The following PARD6G variants were observed in gnomAD, a reference collection of about 807,000 sequenced individuals.
PARD6G encodes partitioning defective 6 homolog gamma.
In PARD6G, 7 loss-of-function variants were observed where a neutral mutation model predicts 10.7. The observed-to-expected ratio is 0.66, with a 90% confidence interval of 0.37 to 1.23. The LOEUF is 1.23. Among genes scored for constraint, PARD6G ranks in the 50% most tolerant of loss-of-function variants. PARD6G has a pLI of 0.02. For missense variants in PARD6G, 548 were observed against 571.8 expected (o/e 0.96, Z 0.42); for synonymous variants, 287 against 269.4 (o/e 1.07, Z -0.64).
At chr18:80,222,202 A>G (rs576276553) in intron 1 of PARD6G, among the ~76,000 whole-genome samples, 1 of 152,160 alleles carries the variant, frequency 6.6e-6, no homozygotes, top group South Asian at 2.1e-4. Context: ...TTCCTGCATC[A>G]GCCTGCCAAG....
Position 80,157,844 on chromosome 18 carries a change from C to T in PARD6G, c.*1927G>A, listed in dbSNP as rs1219136108. On this transcript the variant is annotated 3_prime_UTR_variant, in exon 3 of 3. Transcript: ENST00000353265. ...TAGAACTTGCTTTTCACTTAATATT[C>T]AGAAAAAATGAAAATGCTGAGATGC... The T allele has an allele frequency of 6.6e-6, 1 of 152,230 alleles. No individual in the cohort carries two copies. The highest frequency in any genetic ancestry group is 1.5e-5 in the Non-Finnish European group (1 of 68,042). 9.4% of individuals were successfully genotyped at this position (152,230 alleles called of 1,614,324 possible). A position where few individuals can be genotyped will look rare whatever the true frequency, so the allele number is the denominator to read the frequency against.
chr18:80,223,337 G>A (rs1967252936), intron 1 of PARD6G, among the ~76,000 whole-genome samples: 1 of 152,170 alleles, frequency 6.6e-6, no homozygotes, highest in Non-Finnish European at 1.5e-5. Context: ...GTAATCTATA[G>A]AATGACAGAA....
At chr18:80,216,387 A>G (rs1264319617) in intron 1 of PARD6G, among the ~76,000 whole-genome samples, 4 of 152,140 alleles carry the variant, frequency 2.6e-5, no homozygotes, top group Admixed American at 1.3e-4. Context: ...ACAAGTCTCA[A>G]TAAGCTTAAA....
rs151257818 is a variant in PARD6G at position 80,173,834 on chromosome 18, G to A, written c.296-13228C>T. The stretch of plus-strand genomic sequence containing the variant: ...GAGGTGGCTCTGGAGCTGCTCCCCA[G>A]CAAGTTTGCTCAGCCTCCTTCAAAG... On this transcript the variant is annotated intron_variant, in intron 2 of 2. Transcript: ENST00000353265. Among the ~76,000 whole-genome samples, 115 of 152,286 alleles carry A rather than the reference G, an allele frequency of 7.6e-4. 3 individuals carry two copies. The East Asian group carries it at 0.021, about 28-fold the overall frequency.
intron 1 of PARD6G, 21 bp from the exon 2 acceptor site, chr18:80,202,953 T>TGGGG: frequency 4.6e-6 from 1 of 216,864 alleles, no homozygotes; most frequent in South Asian, 3.2e-5. Flanking sequence ...AGAGACGGGG[T>TGGGG]GGGGGGAGGG....
intron 2 of PARD6G, among the ~76,000 whole-genome samples, chr18:80,199,384 A>G (rs776146111): frequency 1.1e-4 from 16 of 152,222 alleles, no homozygotes; most frequent in South Asian, 2.1e-4. Context: ...ATTCCACTGC[A>G]TGACTAGACA....
intron 1 of PARD6G, among the ~76,000 whole-genome samples, chr18:80,245,174 C>T (rs1427997011): frequency 6.6e-6 from 1 of 152,204 alleles, no homozygotes; most frequent in African/African-American, 2.4e-5. Context: ...CAGAGGCAGC[C>T]TCTGTAGTGC....
At position 80,228,957 on chromosome 18, in the gene PARD6G, A is replaced by C. The variant is rs1967328455; in HGVS notation, c.72+18320T>G. Among the ~76,000 whole-genome samples, 1 of 152,154 alleles carries C rather than the reference A, an allele frequency of 6.6e-6. No homozygotes were observed. Among genetic ancestry groups the C allele is most frequent in the Non-Finnish European group, 1.5e-5 (1 of 68,018 alleles). On this transcript the variant is annotated intron_variant, in intron 1 of 2. Transcript: ENST00000353265. This position sits in a 1 kb window ranked among gnomAD's most constrained non-coding sequence, Gnocchi z 4.6. The stretch of plus-strand genomic sequence containing the variant: ...AGAAGTGGGACTTATTTTATTTTAG[A>C]AGACGGAGTCTCACTCTGTCGCCCA...
chr18:80,201,652 C>T lies in PARD6G; in HGVS notation c.295+1058G>A, dbSNP rs1366129611. ...TCTCCTGCCGTTCCCTTCATCACCA[C>T]AAATGGGAATAACAGCCATAGCTAG... On this transcript the variant is annotated intron_variant, in intron 2 of 2. Coordinates refer to ENST00000353265, the MANE Select transcript of PARD6G (RefSeq NM_032510.4). The surrounding 1 kb of genome is among the most constrained non-coding windows in gnomAD (Gnocchi z 5.9). 6.6e-6 allele frequency among the ~76,000 whole-genome samples: 1 copy of T among 152,224 alleles called. No individual in the cohort carries two copies. Among genetic ancestry groups the T allele is most frequent in the Admixed American group, 6.5e-5 (1 of 15,290 alleles).
rs895112837 is a variant in PARD6G at position 80,246,127 on chromosome 18, A to G, written c.72+1150T>C. ...GGAACACCCGCCCTGCGCCCAAGAT[A>G]GGCACACAGTTAGGGGTGCGGGCTC... is the stretch of plus-strand genomic sequence containing the variant. On this transcript the variant is annotated intron_variant, in intron 1 of 2. Coordinates refer to ENST00000353265, the MANE Select transcript of PARD6G (RefSeq NM_032510.4). This position sits in a 1 kb window ranked among gnomAD's most constrained non-coding sequence, Gnocchi z 6.7. Among the ~76,000 whole-genome samples the G allele has an allele frequency of 1.3e-5, 2 of 152,002 alleles. No individual in the cohort carries two copies. The highest frequency in any genetic ancestry group is 2.9e-5 in the Non-Finnish European group (2 of 67,974).
At chr18:80,217,480 A>G (rs1048279385) in intron 1 of PARD6G, among the ~76,000 whole-genome samples, 37 of 152,336 alleles carry the variant, frequency 2.4e-4, no homozygotes, top group African/African-American at 8.2e-4. Flanking sequence ...ACTCTCAGCC[A>G]GGTAACCAAG....
rs571031678 is a variant in PARD6G, at chr18:80,168,443, A to G, written c.296-7837T>C. On this transcript the variant is annotated intron_variant, in intron 2 of 2. Transcript: ENST00000353265. ...ACCTTTTTACAAGAAAAAAATTGTC[A>G]CTGCTTCTTTTTCAAGCAATATGTT... Among the ~76,000 whole-genome samples the G allele has an allele frequency of 2.6e-5, 4 of 152,206 alleles. No individual in the cohort carries two copies. In the South Asian group the frequency reaches 8.3e-4, roughly 32 times the overall value.
At chr18:80,197,976 G>A (rs905370399) in intron 2 of PARD6G, among the ~76,000 whole-genome samples, 4 of 152,214 alleles carry the variant, frequency 2.6e-5, no homozygotes, top group Non-Finnish European at 5.9e-5. Flanking sequence ...TACAGAGAAG[G>A]GCAAAGACAG....
chr18:80,236,545 A>T (rs1344683943), intron 1 of PARD6G, among the ~76,000 whole-genome samples: 2 of 152,174 alleles, frequency 1.3e-5, no homozygotes, highest in African/African-American at 4.8e-5. Context: ...TCAGTTAGGA[A>T]AAGAGGAAGT....
At chr18:80,239,367 G>C (rs545835125) in intron 1 of PARD6G, among the ~76,000 whole-genome samples, 2 of 152,252 alleles carry the variant, frequency 1.3e-5, no homozygotes, top group Non-Finnish European at 2.9e-5. Flanking sequence ...TCTACAACAG[G>C]GGTACCCTGG....
intron 1 of PARD6G, among the ~76,000 whole-genome samples, chr18:80,232,652 G>C (rs1170964214): frequency 9.5e-6 from 1 of 104,726 alleles, no homozygotes; most frequent in Non-Finnish European, 1.9e-5. Context: ...ACACGTGGGA[G>C]TTATGAGAGT....
At chr18:80,210,452 T>C (rs2145286350) in intron 1 of PARD6G, among the ~76,000 whole-genome samples, 1 of 152,274 alleles carries the variant, frequency 6.6e-6, no homozygotes, top group Middle Eastern at 3.4e-3. Context: ...CCTCACAGCC[T>C]GGGAGGGAGC....
chr18:80,190,892 C>T (rs1389654076), intron 2 of PARD6G, among the ~76,000 whole-genome samples: 3 of 152,174 alleles, frequency 2.0e-5, no homozygotes, highest in Non-Finnish European at 4.4e-5. Flanking sequence ...ACAACAGATC[C>T]AGAACCTATT....
chr18:80,236,749 T>C (rs972325636), intron 1 of PARD6G, among the ~76,000 whole-genome samples: 2 of 152,186 alleles, frequency 1.3e-5, no homozygotes, highest in East Asian at 1.9e-4. Context: ...CCATTCACAA[T>C]TGCTTCAAAG....
Sources: allele counts gnomAD v4.1 joint callset (sites outside exome capture counted in the v4.1 genomes callset), GRCh38; gene constraint gnomAD v4.1.1; non-coding constraint Gnocchi (gnomAD v3.1); transcripts MANE v1.5; gene names NCBI Gene and HGNC (gene_info 2026-07-23, HGNC 2026-07-21).